The following LINGO2 variants were observed in gnomAD, a reference collection of about 807,000 sequenced individuals.
LINGO2 encodes the protein leucine rich repeat and Ig domain containing 2.
Under a neutral mutation model 30.6 loss-of-function variants are expected in LINGO2, and 14 were observed. The observed-to-expected ratio is 0.46, with a 90% CI of 0.30 to 0.72. The LOEUF (loss-of-function observed/expected upper bound fraction) is 0.72, where lower values mean the gene tolerates loss of function less well. Among genes scored for constraint, LINGO2 ranks in the 30% least tolerant of loss-of-function variants. The pLI is 0.07. For missense variants in LINGO2, 729 were observed against 751.7 expected (o/e 0.97, Z 0.35); for synonymous variants, 317 against 288.5 (o/e 1.10, Z -1.00).
intron 5 of LINGO2, among the ~76,000 whole-genome samples, chr9:27,953,294 G>C (rs1819405990): frequency 6.6e-6 from 1 of 152,000 alleles, no homozygotes; most frequent in Non-Finnish European, 1.5e-5. Context: ...TTCTAGAAAT[G>C]TATCATTAGA....
intron 4 of LINGO2, among the ~76,000 whole-genome samples, chr9:28,055,076 T>A (rs543066507): frequency 1.3e-5 from 2 of 152,206 alleles, no homozygotes; most frequent in African/African-American, 4.8e-5. Context: ...TAGATGGTAA[T>A]CAAAAATTTC....
intron 4 of LINGO2, among the ~76,000 whole-genome samples, chr9:28,060,912 C>T (rs577652666): frequency 2.6e-5 from 4 of 151,950 alleles, no homozygotes; most frequent in Non-Finnish European, 4.4e-5. Flanking sequence ...TTTACAGATA[C>T]GCTGTTTCTT....
rs915433789 is a variant in LINGO2 at position 28,423,242 on chromosome 9, A to G, written c.-278-50374T>C. On this transcript the variant is annotated intron_variant, in intron 2 of 5. Coordinates refer to ENST00000379992, the Ensembl canonical transcript of LINGO2. Reference sequence around the variant, plus strand: ...TTTCCTTTTTTGAGTAAAGCTTGAAATGGAATATACAGTTAAATATTAAGA... The same window carrying G: ...TTTCCTTTTTTGAGTAAAGCTTGAAGTGGAATATACAGTTAAATATTAAGA... Among the ~76,000 whole-genome samples, 5 of 152,240 alleles carry G rather than the reference A, an allele frequency of 3.3e-5. No individual in the cohort carries two copies. The East Asian group carries it at 9.7e-4, about 29-fold the overall frequency.
the LINGO2 span, among the ~76,000 whole-genome samples, chr9:28,808,830 G>A: frequency 6.6e-6 from 1 of 152,110 alleles, no homozygotes; most frequent in African/African-American, 2.4e-5. Flanking sequence ...CACTCTATAA[G>A]TATTTCTACC....
chr9:28,158,526 T>C (rs1250481908), intron 4 of LINGO2, among the ~76,000 whole-genome samples: 8 of 152,172 alleles, frequency 5.3e-5, no homozygotes. Flanking sequence ...TTCCTCAGCA[T>C]CTCACATGTC....
intron 2 of LINGO2, among the ~76,000 whole-genome samples, chr9:28,437,958 G>A (rs1047486121): frequency 6.6e-6 from 1 of 152,072 alleles, no homozygotes; most frequent in African/African-American, 2.4e-5. Context: ...CAAAGAAAAA[G>A]ACTTTTTTTC....
chr9:28,573,461 A>T (rs1251126308), intron 1 of LINGO2, among the ~76,000 whole-genome samples: 6 of 152,162 alleles, frequency 3.9e-5, no homozygotes. Context: ...TCAACCACAC[A>T]ATAAATTCCT....
chr9:28,846,315 C>G, the LINGO2 span, among the ~76,000 whole-genome samples: 3 of 151,568 alleles, frequency 2.0e-5, no homozygotes, highest in Non-Finnish European at 4.4e-5. Flanking sequence ...CTGCCCTGTT[C>G]GAGCCCATCA....
chr9:28,274,805 G>C (rs1283568748), intron 4 of LINGO2, among the ~76,000 whole-genome samples: 1 of 152,158 alleles, frequency 6.6e-6, no homozygotes, highest in Non-Finnish European at 1.5e-5. Flanking sequence ...AGATATCCCA[G>C]TTACTACTGG....
At chr9:29,069,531 T>C in the LINGO2 span, among the ~76,000 whole-genome samples, 4 of 152,032 alleles carry the variant, frequency 2.6e-5, no homozygotes, top group African/African-American at 9.7e-5. Flanking sequence ...GAGCAAAAGA[T>C]TGCATGCAGA....
the LINGO2 span, among the ~76,000 whole-genome samples, chr9:28,764,592 A>C: frequency 6.6e-6 from 1 of 152,012 alleles, no homozygotes; most frequent in African/African-American, 2.4e-5. Context: ...TATTTGGTAC[A>C]AGACAAAGAT....
intron 5 of LINGO2, among the ~76,000 whole-genome samples, chr9:27,998,670 A>G (rs1458254917): frequency 1.3e-5 from 2 of 152,128 alleles, no homozygotes; most frequent in African/African-American, 4.8e-5. Flanking sequence ...AATCCCAGCT[A>G]CTTGGGAGGT....
At chr9:28,955,793 G>C in the LINGO2 span, among the ~76,000 whole-genome samples, 1 of 152,032 alleles carries the variant, frequency 6.6e-6, no homozygotes, top group Non-Finnish European at 1.5e-5. Context: ...TGGAGACACA[G>C]TAAGGAACCA....
chr9:28,237,050 T>C (rs72709315), intron 4 of LINGO2, among the ~76,000 whole-genome samples: 9 of 142,370 alleles, frequency 6.3e-5, no homozygotes, highest in Non-Finnish European at 1.4e-4. Flanking sequence ...AATAAAAAAA[T>C]TTAAAGTCAT....
At chr9:28,109,259 G>C (rs886924836) in intron 4 of LINGO2, among the ~76,000 whole-genome samples, 3 of 152,096 alleles carry the variant, frequency 2.0e-5, no homozygotes, top group Non-Finnish European at 4.4e-5. Flanking sequence ...AATAGTAAGA[G>C]CTATTTATGT....
intron 2 of LINGO2, among the ~76,000 whole-genome samples, chr9:28,428,675 A>G (rs1429787854): frequency 6.6e-6 from 1 of 152,136 alleles, no homozygotes; most frequent in Non-Finnish European, 1.5e-5. Flanking sequence ...TTTCATCAGT[A>G]TCATGGTGGG....
chr9:28,768,975 G>T, the LINGO2 span, among the ~76,000 whole-genome samples: 1 of 152,010 alleles, frequency 6.6e-6, no homozygotes, highest in Admixed American at 6.6e-5. Flanking sequence ...CAAAGACACA[G>T]ATAGAAATAT....
intron 4 of LINGO2, among the ~76,000 whole-genome samples, chr9:28,068,081 C>T (rs907295706): frequency 6.6e-6 from 1 of 152,224 alleles, no homozygotes; most frequent in East Asian, 1.9e-4. Context: ...TCTACAGTGC[C>T]TTTGTTTACA....
At chr9:29,149,457 A>T in the LINGO2 span, among the ~76,000 whole-genome samples, 1 of 152,066 alleles carries the variant, frequency 6.6e-6, no homozygotes, top group African/African-American at 2.4e-5. Flanking sequence ...CCAAGAGTTG[A>T]TAGAGAACAG....
Sources: allele counts gnomAD v4.1 joint callset (sites outside exome capture counted in the v4.1 genomes callset), GRCh38; gene constraint gnomAD v4.1.1; transcripts MANE v1.5; gene names NCBI Gene and HGNC (gene_info 2026-07-23, HGNC 2026-07-21).